ZMYM2: variants seen among roughly 807,000 people sequenced by gnomAD.
ZMYM2 encodes the protein zinc finger MYM-type containing 2, also known as zinc finger MYM-type protein 2.
ZMYM2 carries 56 observed loss-of-function variants against 162.8 expected under a neutral mutation model. The observed-to-expected ratio is 0.34, with a 90% confidence interval of 0.28 to 0.43. ZMYM2 has a LOEUF of 0.43. ZMYM2 is among the 20% of genes least tolerant of loss of function. The pLI is 1.00. For synonymous variants in ZMYM2, 510 were observed against 541.6 expected (o/e 0.94, Z 0.81); for missense variants, 1,275 against 1,621.8 (o/e 0.79, Z 3.67).
Position 19,969,131 on chromosome 13 carries a change from T to C in ZMYM2, c.-11+9105T>C, listed in dbSNP as rs980168005. 3.9e-5 allele frequency among the ~76,000 whole-genome samples: 6 copies of C among 152,350 alleles called. No individual in the cohort carries two copies. The South Asian group carries it at 8.3e-4, about 21-fold the overall frequency. ...GTTTAAACTTTAAAATGTATTCTTATGATTTTTCCACCTGGTCATCACACT... is the reference window on the plus strand; with the variant it reads ...GTTTAAACTTTAAAATGTATTCTTACGATTTTTCCACCTGGTCATCACACT... On this transcript the variant is annotated intron_variant, in intron 2 of 24. Transcript: ENST00000610343.
intron 21 of ZMYM2, among the ~76,000 whole-genome samples, chr13:20,078,789 A>G (rs999281814): frequency 6.6e-6 from 1 of 152,116 alleles, no homozygotes; most frequent in Non-Finnish European, 1.5e-5. Context: ...TTGGGATTAC[A>G]TGTTTTGGAT....
At chr13:20,053,269 C>T (rs1287569231) in intron 14 of ZMYM2, among the ~76,000 whole-genome samples, 1 of 152,176 alleles carries the variant, frequency 6.6e-6, no homozygotes, top group Non-Finnish European at 1.5e-5. Context: ...TACAAAAGAA[C>T]AGATTAGTGG....
intron 21 of ZMYM2, chr13:20,071,841 C>A: frequency 5.4e-6 from 1 of 185,452 alleles, no homozygotes; most frequent in South Asian, 1.9e-4. Flanking sequence ...TTCAAACAGT[C>A]ATGCTGCCCT....
At chr13:19,915,502 ACTTT>A in the ZMYM2 span, among the ~76,000 whole-genome samples, 2 of 147,888 alleles carry the variant, frequency 1.4e-5, no homozygotes, top group Non-Finnish European at 3.0e-5. Flanking sequence ...CTCCAGTTCT[ACTTT>A]CTTTTTTCTT....
rs1179666665 is a variant in ZMYM2, at chr13:19,958,791, G to C, written c.-130G>C. Reference sequence around the variant, plus strand: ...GGAGTTGTGCGTGTCGCCGAAGGGGGGTGGGCCGGGGGAGGGGAGGTTCGT... The same window carrying C: ...GGAGTTGTGCGTGTCGCCGAAGGGGCGTGGGCCGGGGGAGGGGAGGTTCGT... On this transcript the variant is annotated 5_prime_UTR_variant, in exon 1 of 25. Coordinates refer to ENST00000610343, the MANE Select transcript of ZMYM2 (RefSeq NM_197968.4). The C allele has an allele frequency of 2.0e-5, 3 of 152,962 alleles. No homozygotes were observed. The highest frequency in any genetic ancestry group is 4.4e-5 in the Non-Finnish European group (3 of 68,616). The allele number at this position is 152,962 out of a possible 1,614,324, so 9.5% of individuals were successfully genotyped here.
At position 20,075,670 on chromosome 13, in the gene ZMYM2, C is replaced by CTTTTTTT. The variant is rs56664916; in HGVS notation, c.3454-6320_3454-6314dup. The stretch of plus-strand genomic sequence containing the variant: ...TTATTATGAATAGAACTATAGACAC[C>CTTTTTTT]TTTTTTTTTTTTTTTTTTTTTTTTT... On this transcript the variant is annotated intron_variant, in intron 21 of 24. Transcript: ENST00000610343. 2.7e-3 allele frequency among the ~76,000 whole-genome samples: 206 copies of CTTTTTTT among 75,712 alleles called. 19 individuals are homozygous for CTTTTTTT. Among genetic ancestry groups the CTTTTTTT allele is most frequent in the African/African-American group, 9.5e-3 (176 of 18,450 alleles). The allele number at this position is 75,712 out of a possible 152,430, so 49.7% of individuals were successfully genotyped here.
the ZMYM2 span, among the ~76,000 whole-genome samples, chr13:19,903,483 C>CAAAAAAAAAAAAAAA: frequency 2.4e-5 from 2 of 83,724 alleles, no homozygotes; most frequent in African/African-American, 4.4e-5. Context: ...ACTAAAAATA[C>CAAAAAAAAAAAAAAA]AAAAAAAAAA....
chr13:20,048,433 A>T (rs545678321), intron 12 of ZMYM2, among the ~76,000 whole-genome samples: 21 of 151,776 alleles, frequency 1.4e-4, no homozygotes, highest in South Asian at 2.1e-4. Context: ...ATTCTTTTTT[A>T]AAAAAAATTT....
the ZMYM2 span, chr13:19,864,833 G>A: frequency 6.6e-6 from 1 of 151,074 alleles, no homozygotes; most frequent in African/African-American, 2.4e-5. Context: ...CTCCACGAGG[G>A]GTCTTCTCTT....
the ZMYM2 span, among the ~76,000 whole-genome samples, chr13:19,926,729 G>A: frequency 2.7e-3 from 411 of 152,140 alleles, 1 homozygote; most frequent in Non-Finnish European, 4.1e-3. Flanking sequence ...GTTCAGTGGC[G>A]CAATCCCTGC....
intron 14 of ZMYM2, among the ~76,000 whole-genome samples, chr13:20,055,983 A>G (rs1955765098): frequency 6.6e-6 from 1 of 152,210 alleles, no homozygotes; most frequent in East Asian, 1.9e-4. Context: ...AAGAATACCT[A>G]CGAAGTGTTA....
At chr13:19,896,583 C>T in the ZMYM2 span, among the ~76,000 whole-genome samples, 34 of 149,440 alleles carry the variant, frequency 2.3e-4, no homozygotes, top group Admixed American at 1.4e-3. Context: ...TGTGAAACCC[C>T]GTCTCTACTA....
chr13:19,946,767 A>G, the ZMYM2 span, among the ~76,000 whole-genome samples: 66,807 of 152,112 alleles, frequency 0.44, 16,436 homozygotes, highest in East Asian at 0.59. Context: ...GTTCCATAGT[A>G]TGTTTATAAT....
chr13:19,988,781 CA>C (rs778712045), intron 2 of ZMYM2, among the ~76,000 whole-genome samples: 3 of 149,088 alleles, frequency 2.0e-5, no homozygotes, highest in Admixed American at 2.0e-4. Context: ...GACTCCATCT[CA>C]AAAAAAAAGA....
intron 2 of ZMYM2, among the ~76,000 whole-genome samples, chr13:19,989,591 G>GGCAT (rs1949443693): frequency 6.6e-6 from 1 of 152,136 alleles, no homozygotes; most frequent in Non-Finnish European, 1.5e-5. Flanking sequence ...TTCTGATACA[G>GGCAT]GCATGCATTG....
chr13:19,992,160 T>C (rs1395784388), intron 2 of ZMYM2, among the ~76,000 whole-genome samples: 1 of 149,030 alleles, frequency 6.7e-6, no homozygotes, highest in African/African-American at 2.4e-5. Context: ...AAAAAAACAA[T>C]TTATGCTTTC....
intron 2 of ZMYM2, among the ~76,000 whole-genome samples, chr13:19,982,516 G>C (rs1006328698): frequency 2.2e-4 from 34 of 152,000 alleles, no homozygotes; most frequent in African/African-American, 7.7e-4. Flanking sequence ...TCGAACTCCT[G>C]ACCTGAAGTG....
chr13:19,955,336 T>C (rs1246270545), upstream of ZMYM2, among the ~76,000 whole-genome samples: 1 of 152,142 alleles, frequency 6.6e-6, no homozygotes, highest in African/African-American at 2.4e-5. Flanking sequence ...TTTATACATG[T>C]ATGCTCGTTT....
At chr13:19,974,672 A>G (rs1443037896) in intron 2 of ZMYM2, among the ~76,000 whole-genome samples, 1 of 151,998 alleles carries the variant, frequency 6.6e-6, no homozygotes, top group Non-Finnish European at 1.5e-5. Flanking sequence ...GGGTTTCACC[A>G]TGTGGGCCAG....
Sources: allele counts gnomAD v4.1 joint callset (sites outside exome capture counted in the v4.1 genomes callset), GRCh38; gene constraint gnomAD v4.1.1; transcripts MANE v1.5; gene names NCBI Gene and HGNC (gene_info 2026-07-23, HGNC 2026-07-21).